ATG3: variants seen among roughly 807,000 people sequenced by gnomAD.
ATG3 encodes ubiquitin-like-conjugating enzyme ATG3.
In ATG3, 25 loss-of-function variants were observed where a neutral mutation model predicts 50.7. That is an observed-to-expected ratio of 0.49 (90% CI 0.36 to 0.69). ATG3 has a LOEUF of 0.69. Ranked by LOEUF, ATG3 falls within the 30% of genes least tolerant of loss-of-function variation. The pLI is 0.00. For synonymous variants in ATG3, 119 were observed against 125.5 expected (o/e 0.95, Z 0.34); for missense variants, 281 against 376.0 (o/e 0.75, Z 2.09).
At chr3:112,551,441 G>C (rs1299618986) in intron 3 of ATG3, among the ~76,000 whole-genome samples, 1 of 152,052 alleles carries the variant, frequency 6.6e-6, no homozygotes, top group Non-Finnish European at 1.5e-5. Flanking sequence ...TTTTTCCTTT[G>C]GCCCAGGAAT....
chr3:112,533,599 G>C, intron 11 of ATG3: 3 of 985,296 alleles, frequency 3.0e-6, no homozygotes, highest in Non-Finnish European at 3.6e-6. Flanking sequence ...ACCAAGTCAA[G>C]TATTAACCTA....
In ATG3 at chr3:112,550,236, T is replaced by C; in HGVS notation, c.191A>G (p.Lys64Arg). 6.2e-7 allele frequency: 1 copy of C among 1,613,082 alleles called. No individual in the cohort carries two copies. ...TTGTTTGCCTGTTGGTAGGTATGCC[T>C]TCACTTTCAATTCTTCCCCTGTAGC... is the stretch of plus-strand genomic sequence containing the variant. ...QWATGEELKV[K>R]AYLPTGKQFL... The change falls in exon 4 of 12, where the codon AAG becomes AGG. Residue 64 changes from lysine to arginine, a missense_variant. Physicochemically the swap from Lys to Arg is conservative, Grantham distance 26. Around this residue, in one of 3 missense-constraint regions of ATG3, gnomAD observed 242 missense variants for 305.0 expected, o/e 0.79. Transcript: ENST00000283290.
At chr3:112,559,994 G>A (rs1933802195) in intron 1 of ATG3, among the ~76,000 whole-genome samples, 1 of 152,226 alleles carries the variant, frequency 6.6e-6, no homozygotes, top group Non-Finnish European at 1.5e-5. Flanking sequence ...TTGCACAGGA[G>A]TATCAAGGAG....
Position 112,548,742 on chromosome 3 carries a change from C to T in ATG3, c.236-102G>A, listed in dbSNP as rs1247018027. ...AGTCCATAAAATAGGGTGTTTATAC[C>T]ACCAAAGTACTAAGTGAATATTTCA... is the stretch of plus-strand genomic sequence containing the variant. On this transcript the variant is annotated intron_variant, in intron 4 of 11. Coordinates refer to ENST00000283290, the MANE Select transcript of ATG3 (RefSeq NM_022488.5). 3 of 868,462 alleles carry T rather than the reference C, an allele frequency of 3.5e-6. No individual in the cohort carries two copies. The African/African-American group carries it at 5.1e-5, about 15-fold the overall frequency. The allele number at this position is 868,462 out of a possible 1,614,324, so 53.8% of individuals were successfully genotyped here. A position where few individuals can be genotyped will look rare whatever the true frequency, so the allele number is the denominator to read the frequency against.
intron 7 of ATG3, among the ~76,000 whole-genome samples, chr3:112,539,737 A>G (rs1933176547): frequency 6.6e-6 from 1 of 152,246 alleles, no homozygotes; most frequent in African/African-American, 2.4e-5. Flanking sequence ...TTGTTCAATA[A>G]ATGAAAATTA....
chr3:112,547,201 A>C (rs1203584370), intron 5 of ATG3, among the ~76,000 whole-genome samples: 1 of 152,260 alleles, frequency 6.6e-6, no homozygotes, highest in Non-Finnish European at 1.5e-5. Flanking sequence ...CAGTGGTTAC[A>C]GGCCAGAGAT....
intron 2 of ATG3, among the ~76,000 whole-genome samples, chr3:112,555,945 T>G (rs770143154): frequency 2.0e-5 from 3 of 152,338 alleles, no homozygotes; most frequent in Middle Eastern, 6.8e-3. Context: ...ACTTTGCATC[T>G]CTAACTGCAA....
rs150298689 is a variant in ATG3 at position 112,556,126 on chromosome 3, T to C, written c.114+2250A>G. On this transcript the variant is annotated intron_variant, in intron 2 of 11. Coordinates refer to ENST00000283290, the MANE Select transcript of ATG3 (RefSeq NM_022488.5). The stretch of plus-strand genomic sequence containing the variant: ...TCCTTAAAATCAAAACTTAGTTTTA[T>C]TTGGCATTTGAGGTAATAAAACCTA... Among the ~76,000 whole-genome samples, 306 of 152,378 alleles carry C rather than the reference T, an allele frequency of 2.0e-3. 1 individual carries two copies. The highest frequency in any genetic ancestry group is 3.8e-3 in the Non-Finnish European group (256 of 68,034).
At chr3:112,555,059 TTAAC>T (rs1933628649) in intron 2 of ATG3, among the ~76,000 whole-genome samples, 2 of 152,180 alleles carry the variant, frequency 1.3e-5, no homozygotes, top group Non-Finnish European at 2.9e-5. Context: ...AAGTAATAAT[TTAAC>T]TAAATGAAAG....
In ATG3 at chr3:112,537,764, G is replaced by A; in HGVS notation, c.637C>T (p.Pro213Ser). The A allele has an allele frequency of 6.3e-7, 1 of 1,593,930 alleles. No individual in the cohort carries two copies. The highest frequency in any genetic ancestry group is 8.5e-7 in the Non-Finnish European group (1 of 1,172,654). The change falls in exon 9 of 12, where the codon CCA (proline) becomes TCA (serine). Residue 213 changes from proline (P) to serine (S), a missense_variant. Coordinates refer to ENST00000283290, the MANE Select transcript of ATG3 (RefSeq NM_022488.5). ...YITYDKYYQT[P>S]RLWLFGYDEQ... is the part of the protein sequence containing the mutation. The stretch of plus-strand genomic sequence containing the variant: ...TCATAGCCAAACAACCATAATCGTG[G>A]AGTCTGGTAATATTTATCATAAGTG...
Position 112,548,623 on chromosome 3 carries a change from A to G in ATG3, c.253T>C (p.Cys85Arg), listed in dbSNP as rs750540676. 15 of 1,613,908 alleles carry G rather than the reference A, an allele frequency of 9.3e-6. No individual in the cohort carries two copies. Among genetic ancestry groups the G allele is most frequent in the Non-Finnish European group, 1.3e-5 (15 of 1,179,910 alleles). The part of the protein sequence containing the change: ...VTKNVPCYKR[C>R]KQMEYSDELE... ...TCATCTGAATATTCCATCTGTTTGC[A>G]CCGCTTATAGCACGGCACTATAAAA... Residue 85 changes from cysteine to arginine, a missense_variant, in exon 5 of 12, where the codon TGC (cysteine) becomes CGC (arginine). By Grantham distance (180) the Cys-to-Arg change is radical. This residue lies in a region of ATG3 where 242 missense variants were observed against 305.0 expected (regional missense o/e 0.79). Coordinates refer to ENST00000283290, the MANE Select transcript of ATG3 (RefSeq NM_022488.5).
intron 4 of ATG3, among the ~76,000 whole-genome samples, 155 bp from the exon 5 acceptor site, chr3:112,548,795 C>A (rs1933443818): frequency 6.6e-6 from 1 of 152,230 alleles, no homozygotes. Context: ...GAGTTACATT[C>A]AGCTCATAGA....
intron 5 of ATG3, 60 bp downstream of exon 5, chr3:112,548,473 T>C: frequency 1.5e-6 from 2 of 1,361,280 alleles, no homozygotes; most frequent in East Asian, 4.7e-5. Flanking sequence ...AAGGCTATTA[T>C]AAAAGATTGT....
At position 112,536,466 on chromosome 3, in the gene ATG3, T is replaced by C; in HGVS notation, c.794+9A>G. On this transcript the variant is annotated intron_variant, in intron 10 of 11. Transcript: ENST00000283290. ...ATCAAAAAATATATTTATCTCTACA[T>C]ATACAGACCTGCATGGGTGAACTGA... 6.2e-7 allele frequency: 1 copy of C among 1,611,478 alleles called. No individual in the cohort carries two copies. Among genetic ancestry groups the C allele is most frequent in the Non-Finnish European group, 8.5e-7 (1 of 1,177,600 alleles).
rs776834668 is a variant in ATG3, at chr3:112,548,603, T to C, written c.273A>G (p.Ser91=). Residue 91 remains serine (S), a synonymous_variant, in exon 5 of 12, where the codon TCA becomes TCG. Coordinates refer to ENST00000283290, the MANE Select transcript of ATG3 (RefSeq NM_022488.5). ...CTTCAATGATAGCTTCCAATTCATC[T>C]GAATATTCCATCTGTTTGCACCGCT... ...CYKRCKQMEY[S]DELEAIIEED... is the part of the protein sequence containing the mutation. 1.4e-4 allele frequency: 219 copies of C among 1,613,926 alleles called. No individual in the cohort carries two copies. Among genetic ancestry groups the C allele is most frequent in the Non-Finnish European group, 1.7e-4 (197 of 1,179,996 alleles).
intron 3 of ATG3, among the ~76,000 whole-genome samples, chr3:112,552,582 CATTT>C (rs1361701194): frequency 6.7e-6 from 1 of 150,132 alleles, no homozygotes; most frequent in Non-Finnish European, 1.5e-5. Flanking sequence ...AAAATCTCTG[CATTT>C]ATTAATGCCA....
Position 112,532,775 on chromosome 3 carries a change from A to C in ATG3, c.869T>G (p.Leu290Arg). 1 of 1,592,808 alleles carries C rather than the reference A, an allele frequency of 6.3e-7. No homozygotes were observed. The highest frequency in any genetic ancestry group is 8.6e-7 in the Non-Finnish European group (1 of 1,169,468). The change falls in exon 12 of 12, where the codon CTT becomes CGT. Residue 290 changes from leucine to arginine, a missense_variant. This residue lies in a region of ATG3 where 242 missense variants were observed against 305.0 expected (regional missense o/e 0.79). Coordinates refer to ENST00000283290, the MANE Select transcript of ATG3 (RefSeq NM_022488.5). ...GGGELGVHMYLLIFLKFVQAV... is the reference protein window; with the variant it reads ...GGGELGVHMYRLIFLKFVQAV... ...TTGTACAAATTTCAAGAAAATAAGA[A>C]GATACCTAAAGGTTTTTAGCTAAGG...
Position 112,534,330 on chromosome 3 carries a change from C to G in ATG3, c.802G>C (p.Glu268Gln), listed in dbSNP as rs1932956884. 3 of 1,527,554 alleles carry G rather than the reference C, an allele frequency of 2.0e-6. No homozygotes were observed. Among genetic ancestry groups the G allele is most frequent in the Non-Finnish European group, 2.6e-6 (3 of 1,147,020 alleles). The allele number at this position is 1,527,554 out of a possible 1,614,324, so 94.6% of individuals were successfully genotyped here. ...GTCTCAATGATTTTCTTCATCACCTCAGCATGCCTAGAAGCCAAAAAAAAA... is the reference window on the plus strand; with the variant it reads ...GTCTCAATGATTTTCTTCATCACCTGAGCATGCCTAGAAGCCAAAAAAAAA... ...MCSVHPCRHA[E>Q]VMKKIIETVA... The change falls in exon 11 of 12, where the codon GAG (glutamate) becomes CAG (glutamine). Residue 268 changes from glutamate (E) to glutamine (Q), a missense_variant. Coordinates refer to ENST00000283290, the MANE Select transcript of ATG3 (RefSeq NM_022488.5).
intron 3 of ATG3, among the ~76,000 whole-genome samples, chr3:112,551,196 C>T (rs1933516150): frequency 6.6e-6 from 1 of 152,158 alleles, no homozygotes; most frequent in Admixed American, 6.5e-5. Flanking sequence ...TCTTTTCAAG[C>T]TTCAGTCTAA....
Sources: gnomAD v4.1 joint callset for allele counts (sites outside exome capture counted in the v4.1 genomes callset) on GRCh38, gnomAD v4.1.1 for gene constraint, gnomAD v4.1.1 regional missense constraint, MANE v1.5 for transcripts, NCBI Gene and HGNC (gene_info 2026-07-23, HGNC 2026-07-21) for gene names.